Variants in CTNNA2 observed in about 807,000 individuals in gnomAD.
CTNNA2 encodes catenin alpha 2, also known as catenin alpha-2.
Under a neutral mutation model 101.0 loss-of-function variants are expected in CTNNA2, and 42 were observed. The observed-to-expected ratio is 0.42, with a 90% confidence interval of 0.32 to 0.54. CTNNA2 has a LOEUF of 0.54. Ranked by LOEUF, CTNNA2 falls within the 20% of genes least tolerant of loss-of-function variation. The pLI is 0.14. For missense variants in CTNNA2, 871 were observed against 1,223.1 expected (o/e 0.71, Z 4.29); for synonymous variants, 450 against 456.4 (o/e 0.99, Z 0.18).
At chr2:80,443,602 C>T (rs1378876042) in intron 9 of CTNNA2, among the ~76,000 whole-genome samples, 1 of 152,054 alleles carries the variant, frequency 6.6e-6, no homozygotes, top group Non-Finnish European at 1.5e-5. Flanking sequence ...TGTAGAATGC[C>T]CTGGAATTGG....
chr2:79,850,365 CCCTG>C (rs1178270892), intron 3 of CTNNA2, among the ~76,000 whole-genome samples: 1 of 119,264 alleles, frequency 8.4e-6, no homozygotes, highest in African/African-American at 3.2e-5. Context: ...CTTCCTTCAT[CCCTG>C]CCTCCCTCCC....
chr2:79,557,730 AT>A (rs1229883149), intron 1 of CTNNA2, among the ~76,000 whole-genome samples: 1 of 151,890 alleles, frequency 6.6e-6, no homozygotes, highest in Non-Finnish European at 1.5e-5. Flanking sequence ...CCATAATGTA[AT>A]TCATTTGTTT....
intron 4 of CTNNA2, among the ~76,000 whole-genome samples, chr2:79,433,759 A>G (rs2104512206): frequency 6.6e-6 from 1 of 152,314 alleles, no homozygotes; most frequent in Admixed American, 6.5e-5. Context: ...AAATACATCT[A>G]CAAGAGACAA....
chr2:79,229,201 G>A (rs1342887641), intron 2 of CTNNA2, among the ~76,000 whole-genome samples: 1 of 152,034 alleles, frequency 6.6e-6, no homozygotes, highest in African/African-American at 2.4e-5. Flanking sequence ...GATGCCTCTG[G>A]CTTTTTACTT....
intron 7 of CTNNA2, among the ~76,000 whole-genome samples, chr2:80,209,052 G>T (rs932596163): frequency 6.6e-6 from 1 of 152,074 alleles, no homozygotes; most frequent in Admixed American, 6.5e-5. Flanking sequence ...AAAGTAAATA[G>T]AAAATATCAT....
At chr2:79,839,310 G>T (rs1471286858) in intron 3 of CTNNA2, among the ~76,000 whole-genome samples, 2 of 151,870 alleles carry the variant, frequency 1.3e-5, no homozygotes, top group Non-Finnish European at 2.9e-5. Flanking sequence ...TTATTGTGTT[G>T]TGTCTGTCTT....
intron 3 of CTNNA2, among the ~76,000 whole-genome samples, chr2:79,805,591 A>C (rs1212499194): frequency 6.6e-6 from 1 of 151,992 alleles, no homozygotes; most frequent in East Asian, 1.9e-4. Context: ...TTGTCTCAGA[A>C]GGTAATTTTG....
intron 2 of CTNNA2, among the ~76,000 whole-genome samples, chr2:79,715,773 C>A (rs1406794105): frequency 6.6e-6 from 1 of 151,968 alleles, no homozygotes; most frequent in Non-Finnish European, 1.5e-5. Flanking sequence ...ACCGTCAGGA[C>A]CCATTGCTAA....
chr2:79,671,207 T>TA (rs1682813185), intron 2 of CTNNA2, among the ~76,000 whole-genome samples: 1 of 152,148 alleles, frequency 6.6e-6, no homozygotes, highest in Non-Finnish European at 1.5e-5. Context: ...TCTAATGTGT[T>TA]AAAATGTTAC....
chr2:79,325,770 C>T (rs1676732322), intron 3 of CTNNA2, among the ~76,000 whole-genome samples: 1 of 152,216 alleles, frequency 6.6e-6, no homozygotes, highest in Admixed American at 6.5e-5. Context: ...TTCATCACAA[C>T]ACTTATCATA....
intron 2 of CTNNA2, among the ~76,000 whole-genome samples, chr2:79,691,606 G>A (rs1293229641): frequency 6.6e-6 from 1 of 151,904 alleles, no homozygotes; most frequent in African/African-American, 2.4e-5. Context: ...AAAGCATCAT[G>A]CTACCTGACT....
intron 3 of CTNNA2, among the ~76,000 whole-genome samples, chr2:79,370,707 A>G (rs1677851236): frequency 6.6e-6 from 1 of 152,170 alleles, no homozygotes; most frequent in South Asian, 2.1e-4. Flanking sequence ...GTATGCACAA[A>G]CCAACAAAAC....
chr2:79,848,843 G>C (rs1185700673), intron 3 of CTNNA2, among the ~76,000 whole-genome samples: 1 of 152,152 alleles, frequency 6.6e-6, no homozygotes, highest in Non-Finnish European at 1.5e-5. Context: ...GAACCATGTG[G>C]CTATAGTGGG....
chr2:80,215,376 T>C (rs1708196423), intron 7 of CTNNA2, among the ~76,000 whole-genome samples: 1 of 152,180 alleles, frequency 6.6e-6, no homozygotes, highest in Admixed American at 6.5e-5. Flanking sequence ...TTCTGCTCTA[T>C]CCCTATCTTT....
rs765519386 is a variant in CTNNA2, at chr2:80,068,170, G to C, written c.1056+158373G>C. 4.4e-4 allele frequency among the ~76,000 whole-genome samples: 67 copies of C among 152,316 alleles called. 1 individual carries two copies. The highest frequency in any genetic ancestry group is 2.5e-4 in the Non-Finnish European group (17 of 68,024). ...AGATGGAAGGAGAGAGGCAGGAAAA[G>C]GACCCAGCAGGCAGAGGCTGAGGAT... On this transcript the variant is annotated intron_variant, in intron 7 of 18. Transcript: ENST00000402739.
At chr2:79,908,192 G>A (rs1204977145) in intron 6 of CTNNA2, among the ~76,000 whole-genome samples, 2 of 152,148 alleles carry the variant, frequency 1.3e-5, no homozygotes, top group East Asian at 1.9e-4. Context: ...TACAGTAGTA[G>A]GCATATAGTA....
At chr2:79,956,837 G>A (rs1288262314) in intron 7 of CTNNA2, among the ~76,000 whole-genome samples, 1 of 78,632 alleles carries the variant, frequency 1.3e-5, no homozygotes, top group African/African-American at 7.0e-5. Context: ...CTATGAATAC[G>A]TGTGGGTTTT....
chr2:79,994,599 AAT>A (rs1408148740), intron 7 of CTNNA2, among the ~76,000 whole-genome samples: 67 of 151,656 alleles, frequency 4.4e-4, no homozygotes, highest in African/African-American at 1.6e-3. Flanking sequence ...GAAAAAAAAA[AAT>A]TTGAAGTCTA....
intron 4 of CTNNA2, among the ~76,000 whole-genome samples, chr2:79,491,835 T>C (rs1317730827): frequency 6.6e-6 from 1 of 152,164 alleles, no homozygotes; most frequent in African/African-American, 2.4e-5. Context: ...ATGGCCCTGT[T>C]CTTATTTAGG....
Sources: gnomAD v4.1 joint callset for allele counts (sites outside exome capture counted in the v4.1 genomes callset) on GRCh38, gnomAD v4.1.1 for gene constraint, MANE v1.5 for transcripts, NCBI Gene and HGNC (gene_info 2026-07-23, HGNC 2026-07-21) for gene names.